Variants in XRCC4 observed in about 807,000 individuals in gnomAD.
The protein encoded by XRCC4 is DNA repair protein XRCC4.
Under a neutral mutation model 39.1 loss-of-function variants are expected in XRCC4, and 28 were observed. The observed-to-expected ratio is 0.72, with a 90% CI of 0.53 to 0.98. The LOEUF (loss-of-function observed/expected upper bound fraction) is 0.98. Among genes scored for constraint, XRCC4 ranks in the 50% least tolerant of loss-of-function variants. XRCC4 has a pLI of 0.00. For missense variants in XRCC4, 350 were observed against 376.4 expected (o/e 0.93, Z 0.58); for synonymous variants, 123 against 126.4 (o/e 0.97, Z 0.18).
At chr5:83,167,745 G>A (rs944771374) in intron 3 of XRCC4, among the ~76,000 whole-genome samples, 8 of 152,304 alleles carry the variant, frequency 5.3e-5, no homozygotes, top group Admixed American at 5.2e-4. Flanking sequence ...TGATACTCTT[G>A]CAAAGCAAAT....
At position 83,195,937 on chromosome 5, in the gene XRCC4, G is replaced by T; in HGVS notation, c.482+1G>T. ...GAGATTGGAATGATGTTCAAGGACG[G>T]TGTGTACACAGTTTGCTTGTGGTAT... On this transcript the variant is annotated splice_donor_variant, in intron 4 of 7. Transcript: ENST00000396027. LOFTEE classifies it high-confidence loss of function. The T allele has an allele frequency of 6.3e-7, 1 of 1,594,788 alleles. No individual in the cohort carries two copies. The highest frequency in any genetic ancestry group is 8.5e-7 in the Non-Finnish European group (1 of 1,170,378).
intron 7 of XRCC4, among the ~76,000 whole-genome samples, chr5:83,346,700 TA>T (rs1756927476): frequency 6.6e-6 from 1 of 152,064 alleles, no homozygotes; most frequent in South Asian, 2.1e-4. Flanking sequence ...ATTGATTAAA[TA>T]AACAAAACTG....
At chr5:83,204,725 G>T in intron 5 of XRCC4, 90 bp from the exon 6 acceptor site, 1 of 836,964 alleles carries the variant, frequency 1.2e-6, no homozygotes, top group South Asian at 2.3e-5. Context: ...TCTTTTTCTA[G>T]GAATATTTTC....
chr5:83,236,819 A>G (rs192197487), intron 6 of XRCC4, among the ~76,000 whole-genome samples: 1 of 152,068 alleles, frequency 6.6e-6, no homozygotes, highest in East Asian at 1.9e-4. Flanking sequence ...ATCACCCAGC[A>G]AGGGACAAAT....
chr5:83,210,066 T>G (rs918068965), intron 6 of XRCC4, among the ~76,000 whole-genome samples: 1 of 152,140 alleles, frequency 6.6e-6, no homozygotes, highest in African/African-American at 2.4e-5. Context: ...AATGGCTATG[T>G]CCAACAGTTG....
intron 6 of XRCC4, among the ~76,000 whole-genome samples, chr5:83,256,952 T>A (rs889954338): frequency 3.9e-5 from 6 of 152,028 alleles, no homozygotes; most frequent in Non-Finnish European, 8.8e-5. Flanking sequence ...ATTTTAAGGA[T>A]TAACAAGGTA....
chr5:83,291,637 A>G (rs910455779), intron 7 of XRCC4, among the ~76,000 whole-genome samples: 18 of 151,728 alleles, frequency 1.2e-4, no homozygotes, highest in African/African-American at 4.3e-4. Flanking sequence ...TGTGTGCTCT[A>G]CTTCTTTAGG....
chr5:83,321,306 T>C (rs1172755208), intron 7 of XRCC4, among the ~76,000 whole-genome samples: 2 of 152,176 alleles, frequency 1.3e-5, no homozygotes, highest in African/African-American at 2.4e-5. Context: ...AACTTTATGA[T>C]TGCAGTAAGT....
chr5:83,345,167 G>T (rs917004414), intron 7 of XRCC4, among the ~76,000 whole-genome samples: 1 of 152,066 alleles, frequency 6.6e-6, no homozygotes, highest in African/African-American at 2.4e-5. Context: ...TTTGTGACTT[G>T]TCATTTCATT....
chr5:83,093,567 C>T (rs1745531673), intron 1 of XRCC4, among the ~76,000 whole-genome samples: 1 of 152,126 alleles, frequency 6.6e-6, no homozygotes, highest in Admixed American at 6.5e-5. Context: ...GTTCACAAAG[C>T]ACATCTTAGG....
Position 83,111,050 on chromosome 5 carries a change from A to G in XRCC4, c.162A>G (p.Gln54=). ...TAGTTTCTGAATCAGAGATTTCCCA[A>G]GAAGCTGATGACATGGCAATGGAAA... ...TGTVSESEIS[Q]EADDMAMEKG... is the part of the protein sequence containing the mutation. Residue 54 remains glutamine, a synonymous_variant, in exon 3 of 8, where the codon CAA becomes CAG. Coordinates refer to ENST00000396027, the MANE Select transcript of XRCC4 (RefSeq NM_003401.5). 6.2e-7 allele frequency: 1 copy of G among 1,606,160 alleles called. No individual in the cohort carries two copies. Among genetic ancestry groups the G allele is most frequent in the East Asian group, 2.2e-5 (1 of 44,594 alleles).
At chr5:83,300,110 A>ATT (rs1256794272) in intron 7 of XRCC4, among the ~76,000 whole-genome samples, 3 of 152,220 alleles carry the variant, frequency 2.0e-5, no homozygotes, top group Non-Finnish European at 2.9e-5. Flanking sequence ...AACTACATGA[A>ATT]TTATATTAAT....
Position 83,293,241 on chromosome 5 carries a change from T to C in XRCC4, c.893+34564T>C, listed in dbSNP as rs191136086. On this transcript the variant is annotated intron_variant, in intron 7 of 7. Transcript: ENST00000396027. Reference sequence around the variant, plus strand: ...TTCTCTTATGTATCACCATAATGTCTTTCTTCCCTTCCAAAGGAAATGATA... The same window carrying C: ...TTCTCTTATGTATCACCATAATGTCCTTCTTCCCTTCCAAAGGAAATGATA... 8.6e-4 allele frequency among the ~76,000 whole-genome samples: 131 copies of C among 152,048 alleles called. No individual in the cohort carries two copies. In the Middle Eastern group the frequency reaches 0.01, roughly 12 times the overall value.
intron 6 of XRCC4, among the ~76,000 whole-genome samples, chr5:83,215,848 T>TAA (rs1207135442): frequency 3.3e-5 from 5 of 152,160 alleles, no homozygotes; most frequent in Admixed American, 1.3e-4. Flanking sequence ...GGCCTATATA[T>TAA]AATAGCTAAA....
At chr5:83,238,264 T>C (rs1419516201) in intron 6 of XRCC4, among the ~76,000 whole-genome samples, 2 of 152,224 alleles carry the variant, frequency 1.3e-5, no homozygotes, top group East Asian at 3.8e-4. Flanking sequence ...ATTTCTCCTA[T>C]GTCACAAGAT....
At chr5:83,097,311 G>A (rs1745721753) in intron 1 of XRCC4, among the ~76,000 whole-genome samples, 1 of 149,974 alleles carries the variant, frequency 6.7e-6, no homozygotes, top group African/African-American at 2.4e-5. Context: ...TTCCTAAATA[G>A]TTTTGTATTG....
intron 6 of XRCC4, among the ~76,000 whole-genome samples, chr5:83,236,225 G>A (rs903357332): frequency 2.0e-5 from 3 of 152,088 alleles, no homozygotes; most frequent in South Asian, 2.1e-4. Context: ...ATCCTAAAAT[G>A]TATGTAGAAC....
chr5:83,322,773 A>G (rs1005203227), intron 7 of XRCC4, among the ~76,000 whole-genome samples: 12 of 152,164 alleles, frequency 7.9e-5, no homozygotes, highest in African/African-American at 2.9e-4. Flanking sequence ...AAAAAGCTGG[A>G]AGAGGAAGGA....
the XRCC4 span, among the ~76,000 whole-genome samples, chr5:83,365,510 A>G: frequency 6.6e-6 from 1 of 152,152 alleles, no homozygotes; most frequent in Non-Finnish European, 1.5e-5. Flanking sequence ...GGTCATGGGA[A>G]AGCGTGATGT....
Sources: allele counts gnomAD v4.1 joint callset (sites outside exome capture counted in the v4.1 genomes callset), GRCh38; gene constraint gnomAD v4.1.1; transcripts MANE v1.5; gene names NCBI Gene and HGNC (gene_info 2026-07-23, HGNC 2026-07-21).